The following CFAP69 variants were observed in gnomAD, a reference collection of about 807,000 sequenced individuals.
CFAP69 encodes cilia- and flagella-associated protein 69.
In CFAP69, 92 loss-of-function variants were observed where a neutral mutation model predicts 123.0. The observed-to-expected ratio is 0.75, with a 90% CI of 0.63 to 0.89. The LOEUF (loss-of-function observed/expected upper bound fraction) is 0.89. Among genes scored for constraint, CFAP69 ranks in the 40% least tolerant of loss-of-function variants. CFAP69 has a pLI of 0.00. For synonymous variants in CFAP69, 380 were observed against 364.3 expected (o/e 1.04, Z -0.49); for missense variants, 1,067 against 1,096.9 (o/e 0.97, Z 0.39).
intron 15 of CFAP69, among the ~76,000 whole-genome samples, chr7:90,289,212 T>C (rs928948931): frequency 2.0e-5 from 3 of 152,002 alleles, no homozygotes; most frequent in Non-Finnish European, 4.4e-5. Flanking sequence ...TTACGTCTGT[T>C]CAGCTTTAGG....
At chr7:90,302,869 T>A (rs1007208748) in intron 17 of CFAP69, 4 of 152,216 alleles carry the variant, frequency 2.6e-5, no homozygotes, top group Non-Finnish European at 2.9e-5. Flanking sequence ...TGTTGATAGC[T>A]TTATAGAAAT....
chr7:90,245,448 G>A lies in CFAP69; in HGVS notation c.24G>A (p.Ala8=), dbSNP rs149099697. The A allele has an allele frequency of 5.1e-6, 8 of 1,557,702 alleles. No homozygotes were observed. Among genetic ancestry groups the A allele is most frequent in the South Asian group, 2.3e-5 (2 of 85,668 alleles). ...CCATGTGGACAGAGGAAGCCGGGGC[G>A]ACCGCCGAGGCCCAGGAATCCGGCA... MWTEEAG[A]TAEAQESGIR... is the part of the protein sequence containing the mutation. The change falls in exon 1 of 23, where the codon GCG becomes GCA. Residue 8 remains alanine, a synonymous_variant. Transcript: ENST00000389297.
rs570323952 is a variant in CFAP69 at position 90,276,906 on chromosome 7, G to A, written c.985-167G>A. ...TTTAAATAAGCTTATCTGGCTATAT[G>A]TTTTTATTTTTTGCCTCACTCTTTA... On this transcript the variant is annotated intron_variant, in intron 9 of 22. Transcript: ENST00000389297. Among the ~76,000 whole-genome samples the A allele has an allele frequency of 7.9e-5, 12 of 152,122 alleles. No individual in the cohort carries two copies. In the South Asian group the frequency reaches 2.5e-3, roughly 32 times the overall value.
At chr7:90,304,243 A>G (rs961096850) in intron 18 of CFAP69, 137 bp downstream of exon 18, 2 of 1,384,458 alleles carry the variant, frequency 1.4e-6, no homozygotes, top group African/African-American at 1.5e-5. Flanking sequence ...TGTTACCCCA[A>G]TTCCCAAACT....
intron 22 of CFAP69, among the ~76,000 whole-genome samples, 167 bp from the exon 23 acceptor site, chr7:90,309,901 T>C (rs1794129745): frequency 6.6e-6 from 1 of 152,226 alleles, no homozygotes; most frequent in Admixed American, 6.5e-5. Context: ...AATTCAAACC[T>C]ACTTTTCCTG....
intron 13 of CFAP69, among the ~76,000 whole-genome samples, chr7:90,285,201 G>A (rs1321556753): frequency 6.6e-6 from 1 of 152,022 alleles, no homozygotes; most frequent in Non-Finnish European, 1.5e-5. Flanking sequence ...TCTGTCCATG[G>A]CATACCCCAG....
intron 1 of CFAP69, among the ~76,000 whole-genome samples, chr7:90,253,402 G>GT (rs1562836795): frequency 6.6e-6 from 1 of 152,000 alleles, no homozygotes; most frequent in Non-Finnish European, 1.5e-5. Context: ...TTGTTTGTTT[G>GT]TTTTTTGAGA....
chr7:90,277,144 C>T (rs967508441), intron 10 of CFAP69, 23 bp downstream of exon 10: 1 of 1,573,092 alleles, frequency 6.4e-7, no homozygotes, highest in Non-Finnish European at 8.6e-7. Flanking sequence ...AAACTTTAAA[C>T]TTCTTATAAT....
Position 90,279,893 on chromosome 7 carries a change from G to T in CFAP69, c.1372G>T (p.Asp458Tyr), listed in dbSNP as rs377058639. 6.4e-5 allele frequency: 101 copies of T among 1,571,872 alleles called. No individual in the cohort carries two copies. The highest frequency in any genetic ancestry group is 8.6e-5 in the Non-Finnish European group (100 of 1,162,280). ...LAFLEWCESE[D>Y]PFFSHGNSFH... ...ATTTCTAGAATGGTGTGAGAGTGAA[G>T]GTGAGTGGCCCTTCAAGATTCTTGT... is the stretch of plus-strand genomic sequence containing the variant. Residue 458 changes from aspartate (D) to tyrosine (Y), a missense_variant and splice_region_variant, in exon 12 of 23, where the codon GAT (aspartate) becomes TAT (tyrosine). Coordinates refer to ENST00000389297, the MANE Select transcript of CFAP69 (RefSeq NM_001039706.3).
intron 12 of CFAP69, among the ~76,000 whole-genome samples, 181 bp downstream of exon 12, chr7:90,280,074 C>T (rs1789237759): frequency 6.6e-6 from 1 of 152,108 alleles, no homozygotes; most frequent in Admixed American, 6.6e-5. Flanking sequence ...TAAAGTCAGA[C>T]GTCAGTAAAT....
At chr7:90,264,057 C>G (rs960894504) in intron 4 of CFAP69, among the ~76,000 whole-genome samples, 1 of 136,032 alleles carries the variant, frequency 7.4e-6, no homozygotes, top group South Asian at 2.4e-4. Flanking sequence ...TGCCACTGCA[C>G]TCCAGCCTGG....
At chr7:90,313,300 C>G (rs1172678700), downstream of CFAP69, among the ~76,000 whole-genome samples, 5 of 152,228 alleles carry the variant, frequency 3.3e-5, no homozygotes, top group Non-Finnish European at 5.9e-5. Context: ...TACACACATT[C>G]TGCCAACACA....
At chr7:90,320,463 C>G in the CFAP69 span, 133 of 152,356 alleles carry the variant, frequency 8.7e-4, no homozygotes, top group African/African-American at 3.1e-3. Context: ...TCAGCAAAAT[C>G]TTGACATTTT....
In CFAP69 at chr7:90,265,330, A is replaced by G. The variant is rs2116823023; in HGVS notation, c.386A>G (p.Asp129Gly). ...CCATTTTTGAAAAAGAAAGTGTCGG[A>G]TGAAATAACTTATGCTGAAGATACT... ...GLPFLKKKVS[D>G]EITYAEDTAN... is the part of the protein sequence containing the mutation. The change falls in exon 5 of 23, where the codon GAT becomes GGT. Residue 129 changes from aspartate to glycine, a missense_variant. By Grantham distance (94) the Asp-to-Gly change is moderately conservative. Transcript: ENST00000389297. The G allele has an allele frequency of 1.2e-6, 2 of 1,611,762 alleles. No homozygotes were observed. The highest frequency in any genetic ancestry group is 1.7e-6 in the Non-Finnish European group (2 of 1,178,644).
At chr7:90,260,856 T>A (rs1327066120) in intron 3 of CFAP69, among the ~76,000 whole-genome samples, 1 of 152,162 alleles carries the variant, frequency 6.6e-6, no homozygotes, top group Non-Finnish European at 1.5e-5. Context: ...ATAGGCTGGC[T>A]ATAGAAGTTG....
intron 1 of CFAP69, among the ~76,000 whole-genome samples, chr7:90,250,235 A>AGG (rs1267005649): frequency 3.0e-5 from 4 of 134,268 alleles, no homozygotes; most frequent in African/African-American, 1.1e-4. Context: ...AGAGAGAGAG[A>AGG]CTCCTTGGTT....
At chr7:90,314,178 T>A (rs1381318093), downstream of CFAP69, among the ~76,000 whole-genome samples, 1 of 152,092 alleles carries the variant, frequency 6.6e-6, no homozygotes, top group African/African-American at 2.4e-5. Flanking sequence ...ACATGACAAC[T>A]CGGTGTAACG....
intron 17 of CFAP69, chr7:90,303,627 T>G (rs1793128638): frequency 1.0e-6 from 1 of 973,386 alleles, no homozygotes; most frequent in African/African-American, 1.8e-5. Context: ...AAACCAAAAG[T>G]AAACAAGGTT....
intron 17 of CFAP69, chr7:90,301,736 CA>C (rs1792849407): frequency 6.6e-6 from 1 of 152,106 alleles, no homozygotes; most frequent in Non-Finnish European, 1.5e-5. Context: ...TCATGATGGG[CA>C]TTTAGGTTGA....
Sources: allele counts gnomAD v4.1 joint callset (sites outside exome capture counted in the v4.1 genomes callset), GRCh38; gene constraint gnomAD v4.1.1; transcripts MANE v1.5; gene names NCBI Gene and HGNC (gene_info 2026-07-23, HGNC 2026-07-21).